TXNL4A: variants seen among roughly 807,000 people sequenced by gnomAD.
TXNL4A encodes the protein thioredoxin like 4A.
TXNL4A carries 17 observed loss-of-function variants against 14.6 expected under a neutral mutation model. The observed-to-expected ratio is 1.16, with a 90% CI of 0.80 to 1.74. TXNL4A has a LOEUF of 1.74. TXNL4A is among the 40% of genes most tolerant of loss of function. TXNL4A has a pLI of 0.00. For synonymous variants in TXNL4A, 83 were observed against 70.6 expected (o/e 1.18, Z -0.88); for missense variants, 74 against 195.2 (o/e 0.38, Z 3.70).
chr18:79,972,959 A>G lies in TXNL4A; in HGVS notation c.*726T>C, dbSNP rs942570183. On this transcript the variant is annotated 3_prime_UTR_variant, in exon 3 of 3. Transcript: ENST00000269601. Reference sequence around the variant, plus strand: ...ATTCTGTCATGGATTGAATTGTGTAACCGCAAAATTTATATATTGAAGTCC... The same window carrying G: ...ATTCTGTCATGGATTGAATTGTGTAGCCGCAAAATTTATATATTGAAGTCC... 18 of 152,138 alleles carry G rather than the reference A, an allele frequency of 1.2e-4. No homozygotes were observed. The highest frequency in any genetic ancestry group is 4.3e-4 in the African/African-American group (18 of 41,420). The allele number at this position is 152,138 out of a possible 1,614,324, so 9.4% of individuals were successfully genotyped here.
intron 1 of TXNL4A, among the ~76,000 whole-genome samples, chr18:80,000,843 G>A (rs1471305183): frequency 2.6e-5 from 4 of 152,032 alleles, no homozygotes; most frequent in Non-Finnish European, 5.9e-5. Flanking sequence ...TAGTAGAGAC[G>A]GGGTTTCACC....
intron 1 of TXNL4A, among the ~76,000 whole-genome samples, chr18:80,004,674 C>T (rs2051718314): frequency 6.6e-6 from 1 of 152,186 alleles, no homozygotes; most frequent in Non-Finnish European, 1.5e-5. Flanking sequence ...GAATTTAGAA[C>T]TTTAGCTTTG....
rs187893297 is a variant in TXNL4A, at chr18:79,973,540, G to A, written c.*145C>T. ...CTCTCACCACGTGCTTGTTTATTTC[G>A]GTGAGTTAAGACCATGTTATCAATT... On this transcript the variant is annotated 3_prime_UTR_variant, in exon 3 of 3. Coordinates refer to ENST00000269601, the MANE Select transcript of TXNL4A (RefSeq NM_006701.5). The A allele has an allele frequency of 1.8e-4, 181 of 999,300 alleles. 1 individual carries two copies. The highest frequency in any genetic ancestry group is 3.8e-4 in the South Asian group (18 of 47,526). The allele number at this position is 999,300 out of a possible 1,614,324, so 61.9% of individuals were successfully genotyped here. A position where few individuals can be genotyped will look rare whatever the true frequency, so the allele number is the denominator to read the frequency against.
rs1050631068 is a variant in TXNL4A at position 79,971,535 on chromosome 18, G to T, written c.*2150C>A. 2 of 152,180 alleles carry T rather than the reference G, an allele frequency of 1.3e-5. No homozygotes were observed. The allele number at this position is 152,180 out of a possible 1,614,324, so 9.4% of individuals were successfully genotyped here. A position where few individuals can be genotyped will look rare whatever the true frequency, so the allele number is the denominator to read the frequency against. ...TGTAGAGACAGGGTCTCACCAGGTT[G>T]CCCAGGCTGGTCGTGAACTCCTGGG... is the stretch of plus-strand genomic sequence containing the variant. On this transcript the variant is annotated 3_prime_UTR_variant, in exon 3 of 3. Transcript: ENST00000269601.
intron 1 of TXNL4A, among the ~76,000 whole-genome samples, chr18:79,987,153 C>T (rs1027124180): frequency 1.3e-5 from 2 of 152,222 alleles, no homozygotes; most frequent in Non-Finnish European, 2.9e-5. Context: ...CTGGACTTCA[C>T]CCCATACCCA....
At chr18:80,003,668 T>C (rs2051711414) in intron 1 of TXNL4A, among the ~76,000 whole-genome samples, 1 of 152,196 alleles carries the variant, frequency 6.6e-6, no homozygotes, top group Non-Finnish European at 1.5e-5. Flanking sequence ...ATTATTTTAT[T>C]GGAGATGGTG....
chr18:80,032,821 CAGAG>C (rs1376733830), intron 1 of TXNL4A, among the ~76,000 whole-genome samples: 1 of 152,180 alleles, frequency 6.6e-6, no homozygotes, highest in African/African-American at 2.4e-5. Flanking sequence ...GCCTGGGCGG[CAGAG>C]AGAGATTCCA....
intron 1 of TXNL4A, among the ~76,000 whole-genome samples, chr18:80,032,971 C>T (rs1186487975): frequency 9.3e-6 from 1 of 106,992 alleles, no homozygotes; most frequent in Admixed American, 1.1e-4. Flanking sequence ...AGATTCCCCA[C>T]GTTTTTCCTC....
At chr18:80,023,817 A>C (rs905970009) in intron 1 of TXNL4A, among the ~76,000 whole-genome samples, 3 of 152,218 alleles carry the variant, frequency 2.0e-5, no homozygotes, top group Non-Finnish European at 1.5e-5. Flanking sequence ...TTTACCCAGC[A>C]AGATCTCAGT....
rs1568378323 is a variant in TXNL4A, at chr18:80,011,653, CG to C, written c.-61+22197del. ...TTTATGCCCCGAGAGCACAACCGCT[CG>C]GCGGCATTCCACAGGTGGCTCAGGG... On this transcript the variant is annotated intron_variant, in intron 1 of 2. Transcript: ENST00000585474. The surrounding 1 kb of genome is among the most constrained non-coding windows in gnomAD (Gnocchi z 4.1). 6.6e-6 allele frequency among the ~76,000 whole-genome samples: 1 copy of C among 152,112 alleles called. No homozygotes were observed. The highest frequency in any genetic ancestry group is 2.4e-5 in the African/African-American group (1 of 41,398).
At chr18:80,017,546 T>C (rs952507988) in intron 1 of TXNL4A, among the ~76,000 whole-genome samples, 11 of 152,224 alleles carry the variant, frequency 7.2e-5, no homozygotes, top group Non-Finnish European at 1.0e-4. Context: ...CATCAATACC[T>C]AATTTATTGA....
At chr18:79,998,927 T>C (rs201626612) in intron 1 of TXNL4A, among the ~76,000 whole-genome samples, 24 of 152,222 alleles carry the variant, frequency 1.6e-4, no homozygotes, top group Middle Eastern at 3.4e-3. Flanking sequence ...CACTGGATCA[T>C]GCTAAAATAG....
In TXNL4A at chr18:79,973,553, C is replaced by G. The variant is rs2051332350; in HGVS notation, c.*132G>C. 2 of 1,190,752 alleles carry G rather than the reference C, an allele frequency of 1.7e-6. No homozygotes were observed. Among genetic ancestry groups the G allele is most frequent in the Non-Finnish European group, 2.3e-6 (2 of 868,512 alleles). The allele number at this position is 1,190,752 out of a possible 1,614,324, so 73.8% of individuals were successfully genotyped here. ...CTTGTTTATTTCGGTGAGTTAAGAC[C>G]ATGTTATCAATTCCATCTCAGAGGT... On this transcript the variant is annotated 3_prime_UTR_variant, in exon 3 of 3. Transcript: ENST00000269601.
chr18:80,013,528 A>G (rs567938926), intron 1 of TXNL4A, among the ~76,000 whole-genome samples: 2 of 150,648 alleles, frequency 1.3e-5, no homozygotes, highest in African/African-American at 4.9e-5. Flanking sequence ...TCTACCTCCC[A>G]GGTTCAAACG....
rs1177287459 is a variant in TXNL4A at position 79,993,980 on chromosome 18, TC to T, written c.-60-16280del. Among the ~76,000 whole-genome samples the T allele has an allele frequency of 6.6e-6, 1 of 152,050 alleles. No individual in the cohort carries two copies. Among genetic ancestry groups the T allele is most frequent in the Non-Finnish European group, 1.5e-5 (1 of 68,004 alleles). ...GGAATAATGGCCCTGAAGAGCCAGG[TC>T]CCCAGGCAGCACACTTTGGGTCTCA... is the stretch of plus-strand genomic sequence containing the variant. On this transcript the variant is annotated intron_variant, in intron 1 of 2. Coordinates refer to the TXNL4A transcript ENST00000585474. The surrounding 1 kb of genome is among the most constrained non-coding windows in gnomAD (Gnocchi z 4.4).
Position 79,994,342 on chromosome 18 carries a change from C to T in TXNL4A, c.-60-16641G>A, listed in dbSNP as rs190743018. Among the ~76,000 whole-genome samples, 343 of 152,246 alleles carry T rather than the reference C, an allele frequency of 2.3e-3. 1 individual carries two copies. The highest frequency in any genetic ancestry group is 4.1e-3 in the Non-Finnish European group (277 of 68,016). On this transcript the variant is annotated intron_variant, in intron 1 of 2. Coordinates refer to the TXNL4A transcript ENST00000585474. Reference sequence around the variant, plus strand: ...TTCTTGGTACCTGGAGAGTAGCCAGCGGGGGGAAAGATCACCTCACCTCCC... The same window carrying T: ...TTCTTGGTACCTGGAGAGTAGCCAGTGGGGGGAAAGATCACCTCACCTCCC...
intron 1 of TXNL4A, among the ~76,000 whole-genome samples, chr18:80,018,957 T>C (rs1281912715): frequency 2.6e-5 from 4 of 152,214 alleles, no homozygotes; most frequent in African/African-American, 4.8e-5. Flanking sequence ...CATCTTCATC[T>C]GAAATTACCT....
At chr18:80,025,893 T>C (rs2051881215) in intron 1 of TXNL4A, among the ~76,000 whole-genome samples, 1 of 152,224 alleles carries the variant, frequency 6.6e-6, no homozygotes, top group Non-Finnish European at 1.5e-5. Context: ...GGTGTAAAGA[T>C]GCACAGGAGC....
At chr18:80,019,619 AG>A (rs1400404288) in intron 1 of TXNL4A, among the ~76,000 whole-genome samples, 1 of 152,138 alleles carries the variant, frequency 6.6e-6, no homozygotes, top group Non-Finnish European at 1.5e-5. Context: ...TCCACCTAGG[AG>A]GTCTGGCTAG....
Sources: allele counts gnomAD v4.1 joint callset (sites outside exome capture counted in the v4.1 genomes callset), GRCh38; gene constraint gnomAD v4.1.1; non-coding constraint Gnocchi (gnomAD v3.1); transcripts MANE v1.5; gene names NCBI Gene and HGNC (gene_info 2026-07-23, HGNC 2026-07-21).